Variants in DENND1A observed in about 807,000 individuals in gnomAD.
DENND1A encodes DENN domain-containing protein 1A.
In DENND1A, 51 loss-of-function variants were observed where a neutral mutation model predicts 113.7. The observed-to-expected ratio is 0.45, with a 90% CI of 0.36 to 0.57. The LOEUF (loss-of-function observed/expected upper bound fraction) is 0.57. Ranked by LOEUF, DENND1A falls within the 20% of genes least tolerant of loss-of-function variation. DENND1A has a pLI of 0.00. For missense variants in DENND1A, 1,258 were observed against 1,395.9 expected (o/e 0.90, Z 1.57); for synonymous variants, 565 against 570.8 (o/e 0.99, Z 0.14).
At chr9:123,689,291 C>T (rs2140348707) in intron 5 of DENND1A, among the ~76,000 whole-genome samples, 2 of 152,268 alleles carry the variant, frequency 1.3e-5, no homozygotes, top group East Asian at 3.9e-4. Flanking sequence ...TCCCAAAGTA[C>T]TGAGATTAAA....
chr9:123,888,571 G>A (rs535976973), intron 1 of DENND1A, among the ~76,000 whole-genome samples: 20 of 152,286 alleles, frequency 1.3e-4, no homozygotes, highest in African/African-American at 4.8e-4. Flanking sequence ...TCACTGCTGC[G>A]ATATTCCTGT....
intron 3 of DENND1A, among the ~76,000 whole-genome samples, chr9:123,790,053 C>G (rs1832778539): frequency 6.6e-6 from 1 of 151,808 alleles, no homozygotes; most frequent in South Asian, 2.1e-4. Context: ...TGAATTATCT[C>G]AAATATTCCT....
chr9:123,444,959 T>C (rs1158138860), intron 18 of DENND1A, among the ~76,000 whole-genome samples: 1 of 151,998 alleles, frequency 6.6e-6, no homozygotes, highest in Non-Finnish European at 1.5e-5. Flanking sequence ...GGCAAATCTC[T>C]TCCTGGAGCC....
chr9:123,740,558 G>GA (rs2068923921), intron 5 of DENND1A, among the ~76,000 whole-genome samples: 1 of 151,868 alleles, frequency 6.6e-6, no homozygotes, highest in Non-Finnish European at 1.5e-5. Context: ...GAGAGCAGGA[G>GA]AAAAAGCATA....
chr9:123,454,593 T>G (rs1001935406), intron 16 of DENND1A, 146 bp downstream of exon 16: 1 of 826,802 alleles, frequency 1.2e-6, no homozygotes, highest in African/African-American at 1.7e-5. Context: ...CCATCTGGCA[T>G]GAGAAGAGCC....
chr9:123,744,927 C>A (rs1589904455), intron 5 of DENND1A, among the ~76,000 whole-genome samples: 1 of 152,142 alleles, frequency 6.6e-6, no homozygotes, highest in Admixed American at 6.5e-5. Context: ...AGGCGCACAC[C>A]ACCATGCCCA....
chr9:123,711,513 G>GTA (rs56814463), intron 5 of DENND1A, among the ~76,000 whole-genome samples: 3,555 of 120,886 alleles, frequency 0.029, 86 homozygotes, highest in East Asian at 0.1. Flanking sequence ...ATGTATATAT[G>GTA]TATATATATA....
At chr9:123,847,838 G>A (rs1206970937) in intron 2 of DENND1A, among the ~76,000 whole-genome samples, 1 of 152,190 alleles carries the variant, frequency 6.6e-6, no homozygotes, top group Non-Finnish European at 1.5e-5. Context: ...AGGAAGCTGA[G>A]GCAGGAGAAT....
chr9:123,474,999 C>T (rs2049784440), intron 13 of DENND1A, among the ~76,000 whole-genome samples: 1 of 151,990 alleles, frequency 6.6e-6, no homozygotes, highest in Admixed American at 6.6e-5. Context: ...TACTTTGTCA[C>T]ACCGCTGTGT....
intron 13 of DENND1A, among the ~76,000 whole-genome samples, chr9:123,482,813 C>A (rs1192994937): frequency 6.6e-6 from 1 of 152,142 alleles, no homozygotes; most frequent in Non-Finnish European, 1.5e-5. Context: ...TGGGCAGAAG[C>A]CCCAGGCCTC....
intron 1 of DENND1A, among the ~76,000 whole-genome samples, chr9:123,914,499 C>A (rs1160467339): frequency 1.4e-5 from 2 of 147,048 alleles, no homozygotes; most frequent in Non-Finnish European, 3.0e-5. Flanking sequence ...AAGCCGAGAT[C>A]GCGCCACTGC....
intron 13 of DENND1A, among the ~76,000 whole-genome samples, chr9:123,547,194 A>G (rs2056757149): frequency 6.6e-6 from 1 of 152,246 alleles, no homozygotes; most frequent in Non-Finnish European, 1.5e-5. Context: ...AAATGTTTTG[A>G]TGAATTAAGC....
intron 2 of DENND1A, among the ~76,000 whole-genome samples, chr9:123,800,197 C>A (rs1464630536): frequency 1.3e-5 from 2 of 152,168 alleles, no homozygotes; most frequent in Non-Finnish European, 2.9e-5. Flanking sequence ...CAAGGGACTC[C>A]CCCAGATTTA....
intron 9 of DENND1A, among the ~76,000 whole-genome samples, chr9:123,646,695 G>A (rs150077102): frequency 1.3e-5 from 2 of 152,128 alleles, no homozygotes; most frequent in East Asian, 3.9e-4. Flanking sequence ...TAACTCCTCT[G>A]ACTTATCGAG....
chr9:123,382,900 A>G (rs1490380702), intron 23 of DENND1A, among the ~76,000 whole-genome samples: 7 of 152,152 alleles, frequency 4.6e-5, no homozygotes. Flanking sequence ...AAGTGACTCC[A>G]GCTACCGGCT....
At chr9:123,744,593 T>C (rs1345200129) in intron 5 of DENND1A, among the ~76,000 whole-genome samples, 2 of 152,140 alleles carry the variant, frequency 1.3e-5, no homozygotes, top group Non-Finnish European at 1.5e-5. Flanking sequence ...AGTGCCTACC[T>C]CATTACCAAG....
chr9:123,737,273 C>A (rs966637063), intron 5 of DENND1A, among the ~76,000 whole-genome samples: 1 of 152,174 alleles, frequency 6.6e-6, no homozygotes, highest in African/African-American at 2.4e-5. Flanking sequence ...TAGCTCACTG[C>A]ATCCTTGAAC....
intron 5 of DENND1A, among the ~76,000 whole-genome samples, chr9:123,697,476 G>A (rs1335641715): frequency 1.3e-5 from 2 of 151,942 alleles, no homozygotes; most frequent in Non-Finnish European, 2.9e-5. Flanking sequence ...TGAGATTTTG[G>A]TGCACCCATC....
intron 9 of DENND1A, among the ~76,000 whole-genome samples, chr9:123,632,796 C>G (rs1295019081): frequency 6.6e-6 from 1 of 152,152 alleles, no homozygotes; most frequent in African/African-American, 2.4e-5. Context: ...GTCCCCCAAA[C>G]TGGCCTGGAT....
Sources: gnomAD v4.1 joint callset for allele counts (sites outside exome capture counted in the v4.1 genomes callset) on GRCh38, gnomAD v4.1.1 for gene constraint, MANE v1.5 for transcripts, NCBI Gene and HGNC (gene_info 2026-07-23, HGNC 2026-07-21) for gene names.